TPST2: variants seen among roughly 807,000 people sequenced by gnomAD.
The protein encoded by TPST2 is tyrosylprotein sulfotransferase 2, also known as protein-tyrosine sulfotransferase 2.
Under a neutral mutation model 27.8 loss-of-function variants are expected in TPST2, and 16 were observed. The observed-to-expected ratio is 0.58, with a 90% confidence interval of 0.39 to 0.88. The LOEUF (loss-of-function observed/expected upper bound fraction) is 0.88, where lower values mean the gene tolerates loss of function less well. TPST2 is among the 40% of genes least tolerant of loss of function. The probability of loss-of-function intolerance (pLI) is 0.00; values close to 1 mark genes in which losing one functional copy is unlikely to be tolerated. For missense variants in TPST2, 464 were observed against 543.1 expected, an observed-to-expected ratio of 0.85 and a Z score of 1.45; for synonymous variants, 229 against 231.7, an observed-to-expected ratio of 0.99 and a Z score of 0.10.
At chr22:26,574,788 C>CA (rs1228306683) in intron 1 of TPST2, among the ~76,000 whole-genome samples, 1 of 152,160 alleles carries the variant, frequency 6.6e-6, no homozygotes, top group Non-Finnish European at 1.5e-5. Context: ...CCATGGGCTG[C>CA]ACTGTGCCTA....
chr22:26,563,440 T>A (rs577953784), intron 1 of TPST2, among the ~76,000 whole-genome samples: 82 of 151,602 alleles, frequency 5.4e-4, no homozygotes, highest in African/African-American at 1.9e-3. Context: ...ACCATTCTCC[T>A]GCCTCAGCCT....
At chr22:26,586,276 T>C (rs1486516206) in intron 1 of TPST2, among the ~76,000 whole-genome samples, 1 of 152,048 alleles carries the variant, frequency 6.6e-6, no homozygotes, top group Non-Finnish European at 1.5e-5. Flanking sequence ...ACTGACCTAA[T>C]ACCCTACAAT....
chr22:26,570,037 AAGAAAGAC>A lies in TPST2; in HGVS notation c.-161+20008_-161+20015del, dbSNP rs1486782218. ...AAAGAAAGAAAGAAAGAAAGAAAGA[AAGAAAGAC>A]AGAAAGAAAGAAAGAAAGAAGGAAA... On this transcript the variant is annotated intron_variant, in intron 1 of 6. Coordinates refer to ENST00000338754, the MANE Select transcript of TPST2 (RefSeq NM_003595.5). Among the ~76,000 whole-genome samples, 75 of 114,976 alleles carry A rather than the reference AAGAAAGAC, an allele frequency of 6.5e-4. 1 individual carries two copies. Among genetic ancestry groups the A allele is most frequent in the Non-Finnish European group, 9.8e-4 (55 of 56,246 alleles). 75.4% of individuals were successfully genotyped at this position (114,976 alleles called of 152,430 possible). A position where few individuals can be genotyped will look rare whatever the true frequency, so the allele number is the denominator to read the frequency against.
chr22:26,574,663 A>G (rs1927761089), intron 1 of TPST2, among the ~76,000 whole-genome samples: 1 of 152,092 alleles, frequency 6.6e-6, no homozygotes. Context: ...GCCCAGTCCT[A>G]AGTAGAGAGG....
intron 1 of TPST2, among the ~76,000 whole-genome samples, chr22:26,584,623 C>T (rs1159942591): frequency 6.6e-6 from 1 of 152,006 alleles, no homozygotes; most frequent in African/African-American, 2.4e-5. Context: ...TATGATTGTG[C>T]CACAGCACTC....
rs373382449 is a variant in TPST2 at position 26,541,544 on chromosome 22, T to C, written c.87A>G (p.Leu29=). The C allele has an allele frequency of 6.8e-6, 11 of 1,611,306 alleles. 1 individual carries two copies. Among genetic ancestry groups the C allele is most frequent in the Middle Eastern group, 3.3e-4 (2 of 6,050 alleles). ...GGCCCGCCAGCACCGCCCGGCACTCTAGCACCTGCTGTCCCAGCTGAACCG... is the reference window on the plus strand; with the variant it reads ...GGCCCGCCAGCACCGCCCGGCACTCCAGCACCTGCTGTCCCAGCTGAACCG... The part of the protein sequence containing the change: ...VLAVQLGQQV[L]ECRAVLAGLR... The change falls in exon 3 of 7, where the codon CTA becomes CTG. Residue 29 remains leucine (L), a synonymous_variant. Coordinates refer to ENST00000338754, the MANE Select transcript of TPST2 (RefSeq NM_003595.5). The surrounding 1 kb of genome is among the most constrained non-coding windows in gnomAD (Gnocchi z 5.9).
In TPST2 at chr22:26,523,494, A is replaced by G. The variant is rs1323991442; in HGVS notation, c.*2781T>C. On this transcript the variant is annotated 3_prime_UTR_variant, in exon 7 of 7. Coordinates refer to ENST00000338754, the MANE Select transcript of TPST2 (RefSeq NM_003595.5). ...ATCAAATCAGGGGAGATGAAATGAG[A>G]GTGGATTCTGAGCCTAGTTTTTTTC... is the stretch of plus-strand genomic sequence containing the variant. The G allele has an allele frequency of 6.6e-6, 1 of 152,220 alleles. No individual in the cohort carries two copies. Among genetic ancestry groups the G allele is most frequent in the African/African-American group, 2.4e-5 (1 of 41,458 alleles). 9.4% of individuals were successfully genotyped at this position (152,220 alleles called of 1,614,324 possible). A position where few individuals can be genotyped will look rare whatever the true frequency, so the allele number is the denominator to read the frequency against.
intron 1 of TPST2, among the ~76,000 whole-genome samples, chr22:26,565,012 CA>C (rs1927314134): frequency 6.6e-6 from 1 of 152,172 alleles, no homozygotes; most frequent in African/African-American, 2.4e-5. Flanking sequence ...GCAGACCCCC[CA>C]CTGAGACTTC....
intron 6 of TPST2, among the ~76,000 whole-genome samples, chr22:26,526,663 T>C (rs769195071): frequency 6.6e-6 from 1 of 152,164 alleles, no homozygotes; most frequent in Admixed American, 6.5e-5. Context: ...AAATCTGCTT[T>C]TGTCAATGAG....
intron 1 of TPST2, among the ~76,000 whole-genome samples, chr22:26,570,067 G>T (rs1363670588): frequency 7.0e-6 from 1 of 143,498 alleles, no homozygotes; most frequent in Admixed American, 7.0e-5. Context: ...AAGAAAGAAG[G>T]AAAGAAAGAA....
intron 1 of TPST2, among the ~76,000 whole-genome samples, chr22:26,567,201 G>A (rs564824403): frequency 1.2e-4 from 18 of 152,312 alleles, no homozygotes; most frequent in Admixed American, 3.3e-4. Flanking sequence ...GAACAGAAGA[G>A]GCTTACTCCA....
chr22:26,547,184 G>A (rs1279798071), intron 1 of TPST2, among the ~76,000 whole-genome samples: 3 of 152,056 alleles, frequency 2.0e-5, no homozygotes, highest in Admixed American at 6.6e-5. Context: ...ACTTCCTCGA[G>A]CTCAAGCGAT....
At chr22:26,536,190 G>T in intron 4 of TPST2, 98 bp downstream of exon 4, 1 of 1,374,896 alleles carries the variant, frequency 7.3e-7, no homozygotes, top group Non-Finnish European at 1.0e-6. Flanking sequence ...ACCAGGAATT[G>T]AGAGACTGAA....
rs8141872 is a variant in TPST2 at position 26,570,066 on chromosome 22, G to A, written c.-161+19987C>T. Among the ~76,000 whole-genome samples the A allele has an allele frequency of 4.5e-4, 56 of 125,132 alleles. 1 individual carries two copies. Among genetic ancestry groups the A allele is most frequent in the East Asian group, 4.3e-3 (19 of 4,456 alleles). 82.1% of individuals were successfully genotyped at this position (125,132 alleles called of 152,430 possible). ...AAGACAGAAAGAAAGAAAGAAAGAA[G>A]GAAAGAAAGAAAGAAAGAAAAGAAA... On this transcript the variant is annotated intron_variant, in intron 1 of 6. Transcript: ENST00000338754.
chr22:26,530,677 T>C (rs1246960914), intron 5 of TPST2, among the ~76,000 whole-genome samples: 1 of 147,764 alleles, frequency 6.8e-6, no homozygotes, highest in Admixed American at 6.9e-5. Context: ...GGTTCAGATC[T>C]TTTGAAGACT....
chr22:26,552,918 C>T (rs3788404), intron 1 of TPST2, among the ~76,000 whole-genome samples: 3 of 151,468 alleles, frequency 2.0e-5, no homozygotes, highest in African/African-American at 4.9e-5. Flanking sequence ...AAATTAGCCG[C>T]GCATGGTGGC....
chr22:26,569,106 G>A (rs1039531630), intron 1 of TPST2, among the ~76,000 whole-genome samples: 3 of 151,816 alleles, frequency 2.0e-5, no homozygotes, highest in South Asian at 2.1e-4. Context: ...TTCGTGATCC[G>A]CCCGCCTCAG....
chr22:26,564,367 C>T, intron 1 of TPST2, among the ~76,000 whole-genome samples: 1 of 152,222 alleles, frequency 6.6e-6, no homozygotes, highest in East Asian at 1.9e-4. Context: ...CTGTGAGCGC[C>T]ACTGGCAAGG....
At chr22:26,581,019 TACACACACACACAC>T (rs10540036) in intron 1 of TPST2, among the ~76,000 whole-genome samples, 11 of 120,168 alleles carry the variant, frequency 9.2e-5, no homozygotes, top group African/African-American at 1.6e-4. Context: ...TCAACATACA[TACACACACACACAC>T]ACACACACAC....
Sources: gnomAD v4.1 joint callset for allele counts (sites outside exome capture counted in the v4.1 genomes callset) on GRCh38, gnomAD v4.1.1 for gene constraint, Gnocchi (gnomAD v3.1) non-coding constraint, MANE v1.5 for transcripts, NCBI Gene and HGNC (gene_info 2026-07-23, HGNC 2026-07-21) for gene names.